Variants in PDZRN4 observed in about 807,000 individuals in gnomAD.
The protein encoded by PDZRN4 is PDZ domain-containing RING finger protein 4.
In PDZRN4, 70 loss-of-function variants were observed where a neutral mutation model predicts 99.0. The observed-to-expected ratio is 0.71, with a 90% CI of 0.58 to 0.86. The LOEUF (loss-of-function observed/expected upper bound fraction) is 0.86, where lower values mean the gene tolerates loss of function less well. PDZRN4 is among the 40% of genes least tolerant of loss of function. The pLI, the probability that PDZRN4 is intolerant of heterozygous loss-of-function variation, is 0.00. For missense variants in PDZRN4, 1,474 were observed against 1,331.2 expected, an observed-to-expected ratio of 1.11 and a Z score of -1.67; for synonymous variants, 551 against 501.6, an observed-to-expected ratio of 1.10 and a Z score of -1.32.
At chr12:41,414,477 A>G (rs1952426543) in intron 3 of PDZRN4, among the ~76,000 whole-genome samples, 1 of 152,102 alleles carries the variant, frequency 6.6e-6, no homozygotes, top group Non-Finnish European at 1.5e-5. Context: ...TACTTTACAT[A>G]ATTACATAAT....
chr12:41,478,630 T>C (rs1431698868), intron 3 of PDZRN4, among the ~76,000 whole-genome samples: 1 of 152,210 alleles, frequency 6.6e-6, no homozygotes, highest in African/African-American at 2.4e-5. Flanking sequence ...TCCCATTCTC[T>C]ACAGTTTTAT....
At chr12:41,189,987 G>A (rs766298864) in intron 1 of PDZRN4, among the ~76,000 whole-genome samples, 9 of 152,178 alleles carry the variant, frequency 5.9e-5, no homozygotes, top group Non-Finnish European at 1.2e-4. Context: ...CGTGTGAAGA[G>A]GCTTGTTTAT....
chr12:41,430,512 C>T (rs1411842097), intron 3 of PDZRN4, among the ~76,000 whole-genome samples: 5 of 151,318 alleles, frequency 3.3e-5, no homozygotes, highest in Non-Finnish European at 5.9e-5. Flanking sequence ...AGAATTATTA[C>T]TCTGTATGTA....
chr12:41,426,869 TA>T (rs1952541476), intron 3 of PDZRN4, among the ~76,000 whole-genome samples: 1 of 152,164 alleles, frequency 6.6e-6, no homozygotes, highest in African/African-American at 2.4e-5. Context: ...GTGGGATGCG[TA>T]AAAATGCATA....
intron 3 of PDZRN4, among the ~76,000 whole-genome samples, chr12:41,421,730 T>C (rs1238056043): frequency 6.6e-6 from 1 of 152,170 alleles, no homozygotes; most frequent in Non-Finnish European, 1.5e-5. Flanking sequence ...GTAACTTGTT[T>C]CTTCACTATT....
intron 3 of PDZRN4, among the ~76,000 whole-genome samples, chr12:41,287,024 TCA>T (rs1421067133): frequency 2.6e-5 from 4 of 152,220 alleles, no homozygotes; most frequent in Non-Finnish European, 2.9e-5. Flanking sequence ...TGTAGCCTTC[TCA>T]TTCTAACTAA....
Position 41,554,821 on chromosome 12 carries a change from ATG to A in PDZRN4, c.1303-859_1303-858del, listed in dbSNP as rs146892184. Among the ~76,000 whole-genome samples, 1,170 of 148,276 alleles carry A rather than the reference ATG, an allele frequency of 7.9e-3. 48 individuals are homozygous for A. The East Asian group carries it at 0.13, about 17-fold the overall frequency. On this transcript the variant is annotated intron_variant, in intron 6 of 9. Coordinates refer to ENST00000402685, the MANE Select transcript of PDZRN4 (RefSeq NM_001164595.2). The stretch of plus-strand genomic sequence containing the variant: ...ATGGATCAGATGTGCGTGTGTGTGT[ATG>A]TGTGTGTGTGTGTGTGTTTCTTGAG...
intron 3 of PDZRN4, among the ~76,000 whole-genome samples, chr12:41,328,510 C>T (rs1372540059): frequency 6.6e-6 from 1 of 152,100 alleles, no homozygotes; most frequent in African/African-American, 2.4e-5. Context: ...CAGAGTGATG[C>T]TCTGTATCTA....
intron 5 of PDZRN4, among the ~76,000 whole-genome samples, chr12:41,531,380 C>T (rs1301734162): frequency 6.6e-6 from 1 of 152,152 alleles, no homozygotes; most frequent in African/African-American, 2.4e-5. Context: ...TTACAACGTC[C>T]TCTCCAAGTC....
rs138800651 is a variant in PDZRN4, at chr12:41,381,407, T to C, written c.844-125049T>C. Reference sequence around the variant, plus strand: ...TATGCCTTAAGTCTTGCAGATTTTCTTCACTCACTTCTTTTTGTTATTCTT... The same window carrying C: ...TATGCCTTAAGTCTTGCAGATTTTCCTCACTCACTTCTTTTTGTTATTCTT... On this transcript the variant is annotated intron_variant, in intron 3 of 9. Transcript: ENST00000402685. Among the ~76,000 whole-genome samples the C allele has an allele frequency of 2.4e-3, 372 of 152,176 alleles. 1 individual carries two copies. The highest frequency in any genetic ancestry group is 5.4e-3 in the Admixed American group (83 of 15,276).
At chr12:41,549,467 A>G in intron 5 of PDZRN4, among the ~76,000 whole-genome samples, 1 of 152,182 alleles carries the variant, frequency 6.6e-6, no homozygotes, top group East Asian at 1.9e-4. Flanking sequence ...TTGATTCTAA[A>G]ATGTATGTTT....
chr12:41,540,903 CGTT>C (rs199757826), intron 5 of PDZRN4, among the ~76,000 whole-genome samples: 4,204 of 50,226 alleles, frequency 0.084, 72 homozygotes, highest in East Asian at 0.13. Flanking sequence ...CCCTTTTCTT[CGTT>C]GTTGTTGTTG....
intron 3 of PDZRN4, among the ~76,000 whole-genome samples, chr12:41,488,828 G>A (rs1362239959): frequency 1.3e-5 from 2 of 152,144 alleles, no homozygotes; most frequent in East Asian, 3.9e-4. Context: ...CTGTGTTATA[G>A]TGTTTTATCT....
At chr12:41,545,650 G>T (rs186326639) in intron 5 of PDZRN4, among the ~76,000 whole-genome samples, 2 of 151,926 alleles carry the variant, frequency 1.3e-5, no homozygotes, top group East Asian at 1.9e-4. Context: ...ATAAAGGAAT[G>T]GTTTACAGAG....
chr12:41,401,083 T>C (rs568368254), intron 3 of PDZRN4, among the ~76,000 whole-genome samples: 1 of 152,326 alleles, frequency 6.6e-6, no homozygotes, highest in South Asian at 2.1e-4. Flanking sequence ...ATGTACCTGG[T>C]ATATAGCAAA....
chr12:41,443,521 G>A (rs1952699263), intron 3 of PDZRN4, among the ~76,000 whole-genome samples: 1 of 152,072 alleles, frequency 6.6e-6, no homozygotes, highest in African/African-American at 2.4e-5. Flanking sequence ...TTAAGAGAAA[G>A]AGAACTGTGA....
At chr12:41,205,385 A>C (rs1950841973) in intron 3 of PDZRN4, among the ~76,000 whole-genome samples, 1 of 151,824 alleles carries the variant, frequency 6.6e-6, no homozygotes. Flanking sequence ...TGCGCATGGG[A>C]TAAAATGTAA....
chr12:41,509,577 T>C (rs905732450), intron 4 of PDZRN4: 2 of 307,160 alleles, frequency 6.5e-6, no homozygotes, highest in South Asian at 5.7e-5. Context: ...AGAATACAAC[T>C]CTGACCATAG....
chr12:41,325,017 T>G (rs980802728), intron 3 of PDZRN4, among the ~76,000 whole-genome samples: 1 of 152,144 alleles, frequency 6.6e-6, no homozygotes, highest in Non-Finnish European at 1.5e-5. Context: ...ATACCTCCAG[T>G]CTATCTATTT....
Sources: gnomAD v4.1 joint callset for allele counts (sites outside exome capture counted in the v4.1 genomes callset) on GRCh38, gnomAD v4.1.1 for gene constraint, MANE v1.5 for transcripts, NCBI Gene and HGNC (gene_info 2026-07-23, HGNC 2026-07-21) for gene names.